PAK2: variants seen among roughly 807,000 people sequenced by gnomAD.
PAK2 encodes the protein p21 (RAC1) activated kinase 2.
A neutral mutation model predicts 65.9 loss-of-function variants in PAK2; 21 were observed. That is an observed-to-expected ratio of 0.32 (90% CI 0.23 to 0.46). The LOEUF is 0.46. Ranked by LOEUF, PAK2 falls within the 20% of genes least tolerant of loss-of-function variation. The pLI, the probability that PAK2 is intolerant of heterozygous loss-of-function variation, is 1.00. For missense variants in PAK2, 324 were observed against 642.6 expected (o/e 0.50, Z 5.36); for synonymous variants, 204 against 219.7 (o/e 0.93, Z 0.63).
At chr3:196,798,645 A>G (rs773580431) in intron 2 of PAK2, among the ~76,000 whole-genome samples, 3 of 152,152 alleles carry the variant, frequency 2.0e-5, no homozygotes, top group Non-Finnish European at 4.4e-5. Context: ...TGCCTGGCCA[A>G]TGTTAAATTC....
chr3:196,801,728 G>A (rs1052334634), intron 2 of PAK2, among the ~76,000 whole-genome samples, 199 bp from the exon 3 acceptor site: 1 of 152,026 alleles, frequency 6.6e-6, no homozygotes, highest in East Asian at 1.9e-4. Context: ...AGCTACTTGG[G>A]AGACTGAGGC....
At chr3:196,759,498 G>GTTGTTTTTTTT (rs1713881883) in intron 1 of PAK2, among the ~76,000 whole-genome samples, 1 of 108,116 alleles carries the variant, frequency 9.2e-6, no homozygotes, top group Non-Finnish European at 1.8e-5. Context: ...GGTTTTTTTT[G>GTTGTTTTTTTT]TTTTTTTTTT....
chr3:196,746,813 T>TAA (rs71621294), intron 1 of PAK2, among the ~76,000 whole-genome samples: 132 of 129,072 alleles, frequency 1.0e-3, no homozygotes, highest in East Asian at 1.5e-3. Context: ...TCTGTCTCAT[T>TAA]AAAAAAAAAA....
At chr3:196,794,626 G>T (rs933444812) in intron 2 of PAK2, among the ~76,000 whole-genome samples, 6 of 152,216 alleles carry the variant, frequency 3.9e-5, no homozygotes, top group African/African-American at 1.2e-4. Context: ...CATAGGGAGA[G>T]CTACCCTGAG....
At chr3:196,746,713 G>A (rs1273463080) in intron 1 of PAK2, among the ~76,000 whole-genome samples, 1 of 151,936 alleles carries the variant, frequency 6.6e-6, no homozygotes, top group Non-Finnish European at 1.5e-5. Flanking sequence ...GGGAGGCTGA[G>A]GCAGGAGAAT....
chr3:196,756,139 G>A lies in PAK2; in HGVS notation c.-22+15982G>A, dbSNP rs62409409. ...GTCAGGCAGTTTTGAAGCATTTTCT[G>A]AGCCTCGCCACTTGACTTCCTTTAC... On this transcript the variant is annotated intron_variant, in intron 1 of 14. Coordinates refer to ENST00000327134, the MANE Select transcript of PAK2 (RefSeq NM_002577.4). Among the ~76,000 whole-genome samples the A allele has an allele frequency of 6.7e-3, 1,013 of 152,222 alleles. 3 individuals are homozygous for A. Among genetic ancestry groups the A allele is most frequent in the South Asian group, 0.015 (73 of 4,824 alleles).
chr3:196,797,873 C>T (rs937100727), intron 2 of PAK2, among the ~76,000 whole-genome samples: 2 of 152,042 alleles, frequency 1.3e-5, no homozygotes, highest in Non-Finnish European at 1.5e-5. Context: ...GTAAAGAAAG[C>T]ACTTCACAAA....
At chr3:196,825,072 G>T (rs901124566) in intron 13 of PAK2, among the ~76,000 whole-genome samples, 2 of 152,098 alleles carry the variant, frequency 1.3e-5, no homozygotes, top group Non-Finnish European at 2.9e-5. Context: ...AGGACCAGAC[G>T]CAGCGGCTCA....
intron 4 of PAK2, among the ~76,000 whole-genome samples, chr3:196,803,918 G>T (rs1715498048): frequency 6.6e-6 from 1 of 152,156 alleles, no homozygotes; most frequent in African/African-American, 2.4e-5. Context: ...TTCAAATAAA[G>T]ATCAGAATAA....
At chr3:196,816,932 C>T (rs891056080) in intron 11 of PAK2, among the ~76,000 whole-genome samples, 3 of 152,064 alleles carry the variant, frequency 2.0e-5, no homozygotes, top group Non-Finnish European at 2.9e-5. Flanking sequence ...AATATAAAAT[C>T]GGGCACTGAA....
chr3:196,822,136 A>T (rs2108774231), intron 13 of PAK2, among the ~76,000 whole-genome samples: 1 of 152,216 alleles, frequency 6.6e-6, no homozygotes, highest in Non-Finnish European at 1.5e-5. Flanking sequence ...ATTAGTTTAG[A>T]CCACTTTTCA....
chr3:196,789,086 A>C (rs1714986425), intron 2 of PAK2, among the ~76,000 whole-genome samples: 1 of 152,206 alleles, frequency 6.6e-6, no homozygotes, highest in African/African-American at 2.4e-5. Flanking sequence ...TATAGAAAAA[A>C]GGTTTTGTTC....
intron 1 of PAK2, among the ~76,000 whole-genome samples, chr3:196,769,915 T>C (rs1714309199): frequency 6.6e-6 from 1 of 152,088 alleles, no homozygotes; most frequent in Admixed American, 6.5e-5. Context: ...TATTCTACTT[T>C]CTGTCTATGA....
chr3:196,743,550 T>A (rs867416858), intron 1 of PAK2, among the ~76,000 whole-genome samples: 1 of 152,092 alleles, frequency 6.6e-6, no homozygotes, highest in Non-Finnish European at 1.5e-5. Flanking sequence ...AAACTTAGAA[T>A]TAAAACTGCC....
rs1406522349 is a variant in PAK2 at position 196,805,984 on chromosome 3, TCA to T, written c.469-593_469-592del. ...TGGAGTGCAGTGGCGCAATCTTGGC[TCA>T]CTGCACGCACCGTCTTCTGGGTTCA... is the stretch of plus-strand genomic sequence containing the variant. On this transcript the variant is annotated intron_variant, in intron 5 of 14. Transcript: ENST00000327134. Among the ~76,000 whole-genome samples the T allele has an allele frequency of 5.3e-5, 8 of 152,126 alleles. No homozygotes were observed. The East Asian group carries it at 1.5e-3, about 29-fold the overall frequency.
intron 4 of PAK2, among the ~76,000 whole-genome samples, chr3:196,804,307 G>A (rs1715510790): frequency 6.6e-6 from 1 of 152,102 alleles, no homozygotes; most frequent in Non-Finnish European, 1.5e-5. Context: ...ACACCGTTAG[G>A]AAAAGGTCAC....
chr3:196,793,253 T>G (rs1715134444), intron 2 of PAK2, among the ~76,000 whole-genome samples: 1 of 152,194 alleles, frequency 6.6e-6, no homozygotes, highest in African/African-American at 2.4e-5. Flanking sequence ...TCTGTTCTTA[T>G]CAGGGGAGTC....
chr3:196,823,830 A>T (rs1034546720), intron 13 of PAK2, among the ~76,000 whole-genome samples: 2 of 151,890 alleles, frequency 1.3e-5, no homozygotes, highest in Admixed American at 6.6e-5. Context: ...AAAAAAAGAA[A>T]AAAACACCTT....
At chr3:196,809,865 A>G (rs1262366095) in intron 7 of PAK2, among the ~76,000 whole-genome samples, 1 of 151,980 alleles carries the variant, frequency 6.6e-6, no homozygotes, top group Non-Finnish European at 1.5e-5. Context: ...ACCTTGAGCA[A>G]GTGAAAGTTT....
Sources: gnomAD v4.1 joint callset for allele counts (sites outside exome capture counted in the v4.1 genomes callset) on GRCh38, gnomAD v4.1.1 for gene constraint, MANE v1.5 for transcripts, NCBI Gene and HGNC (gene_info 2026-07-23, HGNC 2026-07-21) for gene names.